The following SPATA13 variants were observed in gnomAD, a reference collection of about 807,000 sequenced individuals.
SPATA13 encodes spermatogenesis associated 13.
Under a neutral mutation model 104.0 loss-of-function variants are expected in SPATA13, and 50 were observed. The observed-to-expected ratio is 0.48, with a 90% confidence interval of 0.38 to 0.61. The LOEUF is 0.61. SPATA13 is among the 20% of genes least tolerant of loss of function. The pLI is 0.00. For synonymous variants in SPATA13, 606 were observed against 667.5 expected (o/e 0.91, Z 1.42); for missense variants, 1,524 against 1,690.6 (o/e 0.90, Z 1.73).
At chr13:24,183,109 A>G (rs1278789381) in intron 1 of SPATA13, among the ~76,000 whole-genome samples, 1 of 152,242 alleles carries the variant, frequency 6.6e-6, no homozygotes, top group Non-Finnish European at 1.5e-5. Context: ...TAGTAAAGCT[A>G]TAACTTTTGA....
chr13:24,147,550 AG>A (rs1881972236), intron 3 of SPATA13, among the ~76,000 whole-genome samples: 1 of 152,172 alleles, frequency 6.6e-6, no homozygotes, highest in Admixed American at 6.5e-5. Flanking sequence ...ATATCTCAGC[AG>A]GGTCAACTCT....
chr13:24,112,512 G>A (rs1367600305), intron 3 of SPATA13, among the ~76,000 whole-genome samples: 1 of 152,032 alleles, frequency 6.6e-6, no homozygotes, highest in Admixed American at 6.6e-5. Flanking sequence ...GAAGTAGCAA[G>A]GATGCAATCC....
At chr13:24,190,387 TA>T (rs1869657303) in intron 1 of SPATA13, among the ~76,000 whole-genome samples, 2 of 89,640 alleles carry the variant, frequency 2.2e-5, no homozygotes, top group East Asian at 2.5e-4. Flanking sequence ...ATATTATATA[TA>T]TAATAAGGCT....
chr13:24,299,173 T>C (rs1416135794), intron 11 of SPATA13, among the ~76,000 whole-genome samples: 2 of 152,360 alleles, frequency 1.3e-5, no homozygotes, highest in East Asian at 3.9e-4. Context: ...CCTGAAGTCA[T>C]CTGTAAGTCA....
intron 2 of SPATA13, among the ~76,000 whole-genome samples, chr13:24,249,030 C>T (rs1413823515): frequency 6.6e-6 from 1 of 152,098 alleles, no homozygotes; most frequent in Non-Finnish European, 1.5e-5. Flanking sequence ...CCACCGCGCC[C>T]CGCTAATTTT....
At chr13:24,074,831 C>T (rs373458769) in intron 3 of SPATA13, among the ~76,000 whole-genome samples, 1 of 152,126 alleles carries the variant, frequency 6.6e-6, no homozygotes. Context: ...GCCACGTGGT[C>T]AGAGAGGATT....
In SPATA13 at chr13:24,224,475, GTGTCCTTGCAGGATCCCC is replaced by G. The variant is rs1280923517; in HGVS notation, c.1549_1566del (p.Ser517_Leu522del). The stretch of plus-strand genomic sequence containing the variant: ...GCCTGCTCAGAGAGAGCCAGGGCCT[GTGTCCTTGCAGGATCCCC>G]TGGAAGCCACACATGGTGATGAGGG... On this transcript the variant is annotated inframe_deletion, in exon 2 of 13. Coordinates refer to ENST00000382108, the MANE Select transcript of SPATA13 (RefSeq NM_001166271.3). 1.9e-6 allele frequency: 3 copies of G among 1,551,148 alleles called. No individual in the cohort carries two copies. The East Asian group carries it at 7.3e-5, about 38-fold the overall frequency.
rs572787599 is a variant in SPATA13, at chr13:24,056,786, G to C, written c.-112+39085G>C. 4.6e-5 allele frequency among the ~76,000 whole-genome samples: 7 copies of C among 152,250 alleles called. No individual in the cohort carries two copies. In the East Asian group the frequency reaches 1.4e-3, roughly 29 times the overall value. ...AGAAAAGACAAGTACGTTGCTGTGC[G>C]TGTCTGATAAGATTTCCAAGCTGAT... On this transcript the variant is annotated intron_variant, in intron 3 of 14. Coordinates refer to the SPATA13 transcript ENST00000424834.
chr13:24,058,199 G>T (rs960487934), intron 3 of SPATA13, among the ~76,000 whole-genome samples: 24 of 151,880 alleles, frequency 1.6e-4, no homozygotes, highest in African/African-American at 5.8e-4. Context: ...GCTTACATAG[G>T]ATGACGTCTT....
At position 24,190,347 on chromosome 13, in the gene SPATA13, A is replaced by AT. The variant is rs370616466; in HGVS notation, c.-112+29415_-112+29416insT. Among the ~76,000 whole-genome samples the AT allele has an allele frequency of 2.4e-4, 2 of 8,190 alleles. 1 individual carries two copies. Among genetic ancestry groups the AT allele is most frequent in the Non-Finnish European group, 0.015 (2 of 132 alleles). 5.4% of individuals were successfully genotyped at this position (8,190 alleles called of 152,430 possible). On this transcript the variant is annotated intron_variant, in intron 1 of 12. Transcript: ENST00000382108. ...TTATATATTATTATATATAATATAT[A>AT]ATATTATATATTATTATATATAATA...
At chr13:24,112,303 C>T (rs188039724) in intron 3 of SPATA13, among the ~76,000 whole-genome samples, 302 of 135,050 alleles carry the variant, frequency 2.2e-3, no homozygotes, top group African/African-American at 8.2e-3. Context: ...CTACCCTTAA[C>T]TCACTGGGTC....
chr13:24,079,305 C>T (rs1260469983), intron 3 of SPATA13, among the ~76,000 whole-genome samples: 1 of 152,158 alleles, frequency 6.6e-6, no homozygotes, highest in Non-Finnish European at 1.5e-5. Context: ...TATTGGTAAA[C>T]CAAGAACACT....
chr13:24,038,104 G>A (rs917551971), intron 3 of SPATA13, among the ~76,000 whole-genome samples: 13 of 151,898 alleles, frequency 8.6e-5, no homozygotes, highest in South Asian at 6.3e-4. Flanking sequence ...TAGTAGAGAC[G>A]GGGTTTCACC....
At chr13:24,289,596 A>G (rs1347043946) in intron 8 of SPATA13, among the ~76,000 whole-genome samples, 1 of 152,118 alleles carries the variant, frequency 6.6e-6, no homozygotes, top group East Asian at 1.9e-4. Flanking sequence ...CTCACTTTCT[A>G]GATGAGGAAA....
intron 1 of SPATA13, among the ~76,000 whole-genome samples, chr13:24,197,983 T>C (rs570578851): frequency 4.0e-5 from 6 of 151,172 alleles, no homozygotes; most frequent in Middle Eastern, 3.4e-3. Flanking sequence ...TTTCCTCCCC[T>C]GTTACCTCGT....
At chr13:24,071,299 T>C (rs1441589798) in intron 3 of SPATA13, among the ~76,000 whole-genome samples, 1 of 152,204 alleles carries the variant, frequency 6.6e-6, no homozygotes, top group Non-Finnish European at 1.5e-5. Context: ...TTGTCTGAAG[T>C]GATCCAGAAG....
intron 7 of SPATA13, 92 bp downstream of exon 7, chr13:24,287,042 C>A (rs901618473): frequency 1.5e-5 from 16 of 1,076,832 alleles, no homozygotes; most frequent in Middle Eastern, 2.9e-4. Context: ...CCCCGCCCCC[C>A]CATCAGGCTC....
At chr13:24,233,657 G>A (rs946876350) in intron 2 of SPATA13, among the ~76,000 whole-genome samples, 1 of 152,100 alleles carries the variant, frequency 6.6e-6, no homozygotes, top group East Asian at 1.9e-4. Context: ...GCTCTGAAAA[G>A]GTTTATGCTC....
intron 3 of SPATA13, among the ~76,000 whole-genome samples, chr13:24,019,984 G>A (rs569986889): frequency 1.7e-4 from 26 of 152,236 alleles, no homozygotes; most frequent in African/African-American, 5.5e-4. Flanking sequence ...AGACATCTAC[G>A]TTTATTGAAG....
Sources: allele counts gnomAD v4.1 joint callset (sites outside exome capture counted in the v4.1 genomes callset), GRCh38; gene constraint gnomAD v4.1.1; transcripts MANE v1.5; gene names NCBI Gene and HGNC (gene_info 2026-07-23, HGNC 2026-07-21).